GALNT13: variants seen among roughly 807,000 people sequenced by gnomAD.
GALNT13 encodes the protein polypeptide N-acetylgalactosaminyltransferase 13.
A neutral mutation model predicts 64.2 loss-of-function variants in GALNT13; 28 were observed. The ratio of observed to expected loss-of-function variants is 0.44; its 90% CI spans 0.32 to 0.60. The LOEUF (loss-of-function observed/expected upper bound fraction) is 0.60, where lower values mean the gene tolerates loss of function less well. Among genes scored for constraint, GALNT13 ranks in the 20% least tolerant of loss-of-function variants. The probability of loss-of-function intolerance (pLI) is 0.05; values close to 1 mark genes in which losing one functional copy is unlikely to be tolerated. For missense variants in GALNT13, 577 were observed against 669.8 expected (o/e 0.86, Z 1.53); for synonymous variants, 214 against 224.6 (o/e 0.95, Z 0.42).
chr2:153,101,289 A>G, the GALNT13 span, among the ~76,000 whole-genome samples: 4 of 152,194 alleles, frequency 2.6e-5, no homozygotes, highest in South Asian at 8.3e-4. Flanking sequence ...GTGTACCTAG[A>G]TTCTCCCAGG....
chr2:154,254,266 A>G (rs1690248304), intron 7 of GALNT13, among the ~76,000 whole-genome samples: 1 of 152,198 alleles, frequency 6.6e-6, no homozygotes, highest in Non-Finnish European at 1.5e-5. Flanking sequence ...GGTTGAGAGG[A>G]GCTCGTTGGG....
At chr2:153,408,105 GA>G in the GALNT13 span, among the ~76,000 whole-genome samples, 1 of 152,224 alleles carries the variant, frequency 6.6e-6, no homozygotes, top group African/African-American at 2.4e-5. Context: ...GTGGGTGTTA[GA>G]ATTAGCTGAG....
At chr2:153,278,013 G>T in the GALNT13 span, among the ~76,000 whole-genome samples, 4,089 of 136,144 alleles carry the variant, frequency 0.03, 194 homozygotes, top group African/African-American at 0.11. Context: ...TGCAAGCTCT[G>T]CCTCCCAGGT....
intron 3 of GALNT13, among the ~76,000 whole-genome samples, chr2:153,993,678 A>T (rs903300479): frequency 7.0e-6 from 1 of 141,908 alleles, no homozygotes; most frequent in African/African-American, 2.7e-5. Flanking sequence ...CCTGGGCGAC[A>T]GAGCAAGACT....
At chr2:153,630,669 T>C in the GALNT13 span, among the ~76,000 whole-genome samples, 135 of 131,274 alleles carry the variant, frequency 1.0e-3, no homozygotes, top group African/African-American at 3.8e-3. Flanking sequence ...TTAAAAAAAA[T>C]TAAAAAATTA....
chr2:153,580,796 C>T, the GALNT13 span, among the ~76,000 whole-genome samples: 3 of 152,118 alleles, frequency 2.0e-5, no homozygotes, highest in Admixed American at 1.3e-4. Flanking sequence ...AGTGAAATGT[C>T]CATTGCAGAA....
the GALNT13 span, among the ~76,000 whole-genome samples, chr2:153,100,902 G>T: frequency 6.6e-6 from 1 of 152,054 alleles, no homozygotes; most frequent in East Asian, 1.9e-4. Context: ...GGTGGTGCAT[G>T]CCTGAAATCC....
the GALNT13 span, among the ~76,000 whole-genome samples, chr2:153,142,021 G>A: frequency 6.6e-6 from 1 of 152,024 alleles, no homozygotes; most frequent in African/African-American, 2.4e-5. Context: ...CTGTGGTTGG[G>A]TTGAGAGAGA....
At chr2:153,256,779 G>T in the GALNT13 span, among the ~76,000 whole-genome samples, 1 of 152,174 alleles carries the variant, frequency 6.6e-6, no homozygotes, top group Non-Finnish European at 1.5e-5. Flanking sequence ...TCAAGGGTCA[G>T]GGACCCCCTT....
the GALNT13 span, among the ~76,000 whole-genome samples, chr2:153,140,583 T>C: frequency 6.6e-6 from 1 of 152,178 alleles, no homozygotes; most frequent in East Asian, 1.9e-4. Context: ...CCAGAATCTA[T>C]GTCTGTTAAT....
intron 3 of GALNT13, among the ~76,000 whole-genome samples, chr2:154,135,205 A>G (rs911817619): frequency 2.0e-5 from 3 of 152,024 alleles, no homozygotes; most frequent in Non-Finnish European, 4.4e-5. Context: ...CTTCCTGCCT[A>G]CCTTCATCCT....
the GALNT13 span, chr2:153,357,171 G>A: frequency 6.6e-6 from 1 of 151,946 alleles, no homozygotes; most frequent in Admixed American, 6.6e-5. Flanking sequence ...TTTCTGTATA[G>A]GTATATCTCT....
At chr2:154,028,109 A>G (rs893538873) in intron 3 of GALNT13, among the ~76,000 whole-genome samples, 3 of 152,128 alleles carry the variant, frequency 2.0e-5, no homozygotes, top group Non-Finnish European at 4.4e-5. Flanking sequence ...TGAACCTACT[A>G]GCGTGTGAGG....
intron 4 of GALNT13, among the ~76,000 whole-genome samples, chr2:154,145,239 T>A (rs1036840218): frequency 5.9e-5 from 9 of 151,374 alleles, no homozygotes; most frequent in Non-Finnish European, 1.5e-5. Flanking sequence ...ACAAATAAAA[T>A]TTTTAAAGTA....
the GALNT13 span, among the ~76,000 whole-genome samples, chr2:153,300,924 C>G: frequency 1.3e-5 from 2 of 152,034 alleles, no homozygotes; most frequent in African/African-American, 4.8e-5. Context: ...AGAGTATAGG[C>G]TGGGCATGGT....
At chr2:153,069,456 T>G in the GALNT13 span, among the ~76,000 whole-genome samples, 1 of 152,306 alleles carries the variant, frequency 6.6e-6, no homozygotes, top group South Asian at 2.1e-4. Flanking sequence ...AGAGCAAACC[T>G]TTTAATAGTT....
intron 3 of GALNT13, among the ~76,000 whole-genome samples, chr2:154,044,982 T>G (rs539646112): frequency 9.9e-4 from 150 of 152,166 alleles, no homozygotes; most frequent in Non-Finnish European, 1.6e-3. Flanking sequence ...GGATGAGGTG[T>G]GTTATTGGTC....
the GALNT13 span, among the ~76,000 whole-genome samples, chr2:153,190,653 A>G: frequency 4.6e-5 from 7 of 151,994 alleles, no homozygotes; most frequent in African/African-American, 7.2e-5. Context: ...CATTGAATCT[A>G]TAGGTTGATT....
intron 11 of GALNT13, among the ~76,000 whole-genome samples, chr2:154,431,427 CAT>C (rs1489844603): frequency 6.6e-6 from 1 of 152,030 alleles, no homozygotes; most frequent in African/African-American, 2.4e-5. Flanking sequence ...GGATTTTAAA[CAT>C]AATACAACTG....
Sources: allele counts gnomAD v4.1 joint callset (sites outside exome capture counted in the v4.1 genomes callset), GRCh38; gene constraint gnomAD v4.1.1; transcripts MANE v1.5; gene names NCBI Gene and HGNC (gene_info 2026-07-23, HGNC 2026-07-21).